BMPER: variants seen among roughly 807,000 people sequenced by gnomAD.
BMPER encodes the protein BMP binding endothelial regulator, also known as BMP-binding endothelial regulator protein.
A neutral mutation model predicts 87.3 loss-of-function variants in BMPER; 45 were observed. The ratio of observed to expected loss-of-function variants is 0.52; its 90% CI spans 0.41 to 0.66. The LOEUF is 0.66. BMPER is among the 30% of genes least tolerant of loss of function. BMPER has a pLI of 0.00. For missense variants in BMPER, 784 were observed against 867.5 expected, an observed-to-expected ratio of 0.90 and a Z score of 1.21; for synonymous variants, 326 against 316.2, an observed-to-expected ratio of 1.03 and a Z score of -0.33.
At chr7:34,149,781 A>G (rs1458792333) in intron 14 of BMPER, among the ~76,000 whole-genome samples, 1 of 152,066 alleles carries the variant, frequency 6.6e-6, no homozygotes, top group African/African-American at 2.4e-5. Context: ...GGATATGGAC[A>G]TTAGTGAAAA....
chr7:34,024,235 G>T (rs1321768501), intron 6 of BMPER, among the ~76,000 whole-genome samples: 1 of 149,440 alleles, frequency 6.7e-6, no homozygotes, highest in Non-Finnish European at 1.5e-5. Flanking sequence ...GCACGTGCCT[G>T]TAATCCCAGC....
chr7:34,089,486 A>G (rs1306708332), intron 13 of BMPER, among the ~76,000 whole-genome samples: 1 of 151,912 alleles, frequency 6.6e-6, no homozygotes, highest in African/African-American at 2.4e-5. Flanking sequence ...ATTTTATTTT[A>G]TTTATTTATT....
Position 34,033,606 on chromosome 7 carries a change from A to G in BMPER, c.577-12700A>G, listed in dbSNP as rs188129880. 1.3e-4 allele frequency among the ~76,000 whole-genome samples: 20 copies of G among 152,354 alleles called. No individual in the cohort carries two copies. The South Asian group carries it at 1.7e-3, about 13-fold the overall frequency. On this transcript the variant is annotated intron_variant, in intron 6 of 14. Coordinates refer to ENST00000649409, the MANE Select transcript of BMPER (RefSeq NM_001365308.1). The stretch of plus-strand genomic sequence containing the variant: ...AAAATGATGATCTTTCTGAACTTCT[A>G]TGTCCCTTAATTCTGGACATTTGCC...
At position 34,153,518 on chromosome 7, in the gene BMPER, C is replaced by A; in HGVS notation, c.*245C>A. On this transcript the variant is annotated 3_prime_UTR_variant, in exon 15 of 15. Coordinates refer to ENST00000649409, the MANE Select transcript of BMPER (RefSeq NM_001365308.1). ...GTTTCTAGGATCCTAACCTGTAAGC[C>A]ATTGAACATGTTGTATAAATACACC... The A allele has an allele frequency of 2.1e-6, 1 of 472,336 alleles. No individual in the cohort carries two copies. The highest frequency in any genetic ancestry group is 3.8e-6 in the Non-Finnish European group (1 of 262,898). The allele number at this position is 472,336 out of a possible 1,614,324, so 29.3% of individuals were successfully genotyped here.
chr7:34,000,530 G>T (rs980685093), intron 6 of BMPER, among the ~76,000 whole-genome samples: 5 of 151,988 alleles, frequency 3.3e-5, no homozygotes, highest in African/African-American at 4.8e-5. Flanking sequence ...TAGGGGTAAG[G>T]TATCTACAAA....
chr7:34,022,826 T>C (rs1335219375), intron 6 of BMPER, among the ~76,000 whole-genome samples: 1 of 151,886 alleles, frequency 6.6e-6, no homozygotes, highest in Non-Finnish European at 1.5e-5. Context: ...TCAGATACAG[T>C]AGTTGCCTCA....
chr7:34,083,782 CCT>C (rs138588578), intron 12 of BMPER, among the ~76,000 whole-genome samples: 23 of 150,462 alleles, frequency 1.5e-4, no homozygotes, highest in South Asian at 1.1e-3. Flanking sequence ...TAGACAAGAT[CCT>C]CTCTCTCTCT....
At chr7:34,136,838 G>A (rs1310335525) in intron 13 of BMPER, among the ~76,000 whole-genome samples, 1 of 152,222 alleles carries the variant, frequency 6.6e-6, no homozygotes, top group Non-Finnish European at 1.5e-5. Flanking sequence ...GGTGGAGCTG[G>A]CACCTGTCAC....
At chr7:34,098,200 C>T (rs1789581740) in intron 13 of BMPER, among the ~76,000 whole-genome samples, 1 of 151,982 alleles carries the variant, frequency 6.6e-6, no homozygotes, top group Non-Finnish European at 1.5e-5. Context: ...GATGAATTAT[C>T]CAGGACCCAG....
chr7:34,038,757 G>T (rs1272089897), intron 6 of BMPER, among the ~76,000 whole-genome samples: 1 of 152,068 alleles, frequency 6.6e-6, no homozygotes, highest in Non-Finnish European at 1.5e-5. Context: ...CTATTTTTAT[G>T]GGATAAAATC....
At chr7:34,084,906 C>G (rs1789157338) in intron 12 of BMPER, among the ~76,000 whole-genome samples, 2 of 152,240 alleles carry the variant, frequency 1.3e-5, no homozygotes, top group Non-Finnish European at 2.9e-5. Context: ...GTCAGCTTAG[C>G]AAACCAAGAA....
At chr7:34,110,203 G>A (rs1219437291) in intron 13 of BMPER, among the ~76,000 whole-genome samples, 1 of 152,152 alleles carries the variant, frequency 6.6e-6, no homozygotes, top group Non-Finnish European at 1.5e-5. Context: ...CTTCTCGTGG[G>A]CAAAGGACAC....
intron 2 of BMPER, chr7:33,921,683 C>T: frequency 2.2e-6 from 1 of 464,308 alleles, no homozygotes; most frequent in Non-Finnish European, 4.5e-6. Context: ...GGGATGGATT[C>T]CCACAGGGAT....
chr7:33,967,136 A>G (rs189476395), intron 4 of BMPER, among the ~76,000 whole-genome samples: 35 of 152,360 alleles, frequency 2.3e-4, no homozygotes, highest in African/African-American at 8.2e-4. Flanking sequence ...ATCAGGTGTT[A>G]AACACAGCAA....
intron 6 of BMPER, among the ~76,000 whole-genome samples, chr7:33,986,458 T>C (rs1786014367): frequency 6.6e-6 from 1 of 152,248 alleles, no homozygotes; most frequent in Non-Finnish European, 1.5e-5. Flanking sequence ...ATCCATGTTC[T>C]TGAAAATGAG....
At chr7:34,151,206 A>G (rs555504356) in intron 14 of BMPER, among the ~76,000 whole-genome samples, 1 of 152,324 alleles carries the variant, frequency 6.6e-6, no homozygotes, top group African/African-American at 2.4e-5. Context: ...TGAGATGCAA[A>G]TGGAAAATTC....
At chr7:34,006,925 A>G (rs2127938633) in intron 6 of BMPER, among the ~76,000 whole-genome samples, 1 of 152,228 alleles carries the variant, frequency 6.6e-6, no homozygotes, top group East Asian at 1.9e-4. Context: ...GGAGCACGTC[A>G]GGCTAAATGT....
chr7:34,034,426 C>G (rs994418555), intron 6 of BMPER, among the ~76,000 whole-genome samples: 1 of 152,140 alleles, frequency 6.6e-6, no homozygotes, highest in Admixed American at 6.6e-5. Flanking sequence ...AAAAGATTCC[C>G]TCTTCTGCCA....
At chr7:34,152,387 C>T (rs906835930) in intron 14 of BMPER, among the ~76,000 whole-genome samples, 5 of 152,120 alleles carry the variant, frequency 3.3e-5, no homozygotes, top group Non-Finnish European at 7.4e-5. Flanking sequence ...TTATTTTTTT[C>T]TGACAAGTCT....
Sources: gnomAD v4.1 joint callset for allele counts (sites outside exome capture counted in the v4.1 genomes callset) on GRCh38, gnomAD v4.1.1 for gene constraint, MANE v1.5 for transcripts, NCBI Gene and HGNC (gene_info 2026-07-23, HGNC 2026-07-21) for gene names.